PIEZO2: variants seen among roughly 807,000 people sequenced by gnomAD.
PIEZO2 encodes the protein piezo type mechanosensitive ion channel component 2, also known as piezo-type mechanosensitive ion channel component 2.
In PIEZO2, 172 loss-of-function variants were observed where a neutral mutation model predicts 337.3. The ratio of observed to expected loss-of-function variants is 0.51; its 90% CI spans 0.45 to 0.58. The LOEUF is 0.58. Among genes scored for constraint, PIEZO2 ranks in the 20% least tolerant of loss-of-function variants. PIEZO2 has a pLI of 0.00. For missense variants in PIEZO2, 3,028 were observed against 3,391.3 expected (o/e 0.89, Z 2.66); for synonymous variants, 1,251 against 1,228.5 (o/e 1.02, Z -0.38).
At chr18:10,905,024 TTTTGGTC>T (rs2043140273) in intron 4 of PIEZO2, among the ~76,000 whole-genome samples, 1 of 152,216 alleles carries the variant, frequency 6.6e-6, no homozygotes, top group Non-Finnish European at 1.5e-5. Context: ...TAAATTAATA[TTTTGGTC>T]TTAATCTTAA....
rs1016619479 is a variant in PIEZO2, at chr18:11,149,182, C to G, written c.-594G>C. On this transcript the variant is annotated 5_prime_UTR_variant, in exon 1 of 56. Coordinates refer to ENST00000674853, the MANE Select transcript of PIEZO2 (RefSeq NM_001378183.1). This position sits in a 1 kb window ranked among gnomAD's most constrained non-coding sequence, Gnocchi z 8.7. ...GCTCCGGGTCTCGCCCTCCAGCCCC[C>G]AGGCGGCCCGCGGCGGATCCCCGAG... is the stretch of plus-strand genomic sequence containing the variant. Among the ~76,000 whole-genome samples, 12 of 152,192 alleles carry G rather than the reference C, an allele frequency of 7.9e-5. 1 individual carries two copies. The highest frequency in any genetic ancestry group is 2.9e-4 in the African/African-American group (12 of 41,552).
intron 3 of PIEZO2, among the ~76,000 whole-genome samples, chr18:10,916,122 G>A (rs1047267415): frequency 5.3e-5 from 8 of 152,134 alleles, no homozygotes; most frequent in African/African-American, 1.9e-4. Context: ...TGATTGGTGC[G>A]TTTACAAACC....
intron 1 of PIEZO2, among the ~76,000 whole-genome samples, chr18:11,135,383 G>GA (rs1018904757): frequency 6.6e-6 from 1 of 152,132 alleles, no homozygotes; most frequent in Non-Finnish European, 1.5e-5. Context: ...CAGGGGTGCA[G>GA]AAAAAATTGA....
chr18:10,776,064 A>G (rs1451883554), intron 18 of PIEZO2, among the ~76,000 whole-genome samples: 2 of 152,256 alleles, frequency 1.3e-5, no homozygotes, highest in Non-Finnish European at 2.9e-5. Flanking sequence ...AAATGCATGA[A>G]TAAAGTATAC....
In PIEZO2 at chr18:10,705,501, C is replaced by G. The variant is rs1406501430; in HGVS notation, c.5834G>C (p.Ser1945Thr). 2.6e-6 allele frequency: 4 copies of G among 1,537,126 alleles called. No individual in the cohort carries two copies. Among genetic ancestry groups the G allele is most frequent in the Non-Finnish European group, 1.7e-6 (2 of 1,146,900 alleles). ...CAGATGCTCGAAGCTCACAGCCTTG[C>G]TGTAGGAGGGTGGGGCCTCCACATC... is the stretch of plus-strand genomic sequence containing the variant. Reference protein sequence around the residue: ...DGDVEAPPSYSKAVSFEHLSF... With the variant: ...DGDVEAPPSYTKAVSFEHLSF... The change falls in exon 41 of 56, where the codon AGC (serine) becomes ACC (threonine). Residue 1945 changes from serine (S) to threonine (T), a missense_variant. By Grantham distance (58) the Ser-to-Thr change is moderately conservative. Coordinates refer to ENST00000674853, the MANE Select transcript of PIEZO2 (RefSeq NM_001378183.1).
chr18:10,710,618 C>G (rs1439023532), intron 39 of PIEZO2, among the ~76,000 whole-genome samples: 4 of 152,230 alleles, frequency 2.6e-5, no homozygotes, highest in South Asian at 2.1e-4. Context: ...TAGGATCCCA[C>G]CCAGACTCTG....
chr18:10,919,229 T>C (rs1413897924), intron 3 of PIEZO2, among the ~76,000 whole-genome samples: 1 of 152,128 alleles, frequency 6.6e-6, no homozygotes, highest in African/African-American at 2.4e-5. Flanking sequence ...CTATTAGATG[T>C]TTGTCTTTAA....
chr18:10,977,954 T>A (rs2034509411), intron 3 of PIEZO2, among the ~76,000 whole-genome samples: 1 of 152,226 alleles, frequency 6.6e-6, no homozygotes, highest in South Asian at 2.1e-4. Flanking sequence ...GGCATGGAGT[T>A]TCCTTTGGGG....
chr18:10,702,240 A>C (rs1438051571), intron 42 of PIEZO2, 69 bp from the exon 43 acceptor site: 7 of 1,397,868 alleles, frequency 5.0e-6, no homozygotes, highest in Non-Finnish European at 6.7e-6. Context: ...TATATGGGAA[A>C]GAGCAATATA....
At chr18:11,015,305 A>T (rs2660265) in intron 2 of PIEZO2, among the ~76,000 whole-genome samples, 62,241 of 148,724 alleles carry the variant, frequency 0.42, 13,749 homozygotes, top group African/African-American at 0.58. Context: ...CACTTCACCC[A>T]GATCCGGGGC....
rs1289594802 is a variant in PIEZO2 at position 10,766,987 on chromosome 18, TCCCTC to T, written c.2946+3156_2946+3160del. On this transcript the variant is annotated intron_variant, in intron 21 of 55. Coordinates refer to ENST00000674853, the MANE Select transcript of PIEZO2 (RefSeq NM_001378183.1). This position sits in a 1 kb window ranked among gnomAD's most constrained non-coding sequence, Gnocchi z 6.1. ...TTCCTTCCTTCCTCCCACCTTCCATTCCCTCCCCTCCCCTCCCCTCCCCTTCCCTC... is the reference window on the plus strand; with the variant it reads ...TTCCTTCCTTCCTCCCACCTTCCATTCCCTCCCCTCCCCTCCCCTTCCCTC... 2.0e-4 allele frequency among the ~76,000 whole-genome samples: 29 copies of T among 146,460 alleles called. No individual in the cohort carries two copies. The highest frequency in any genetic ancestry group is 4.2e-4 in the Non-Finnish European group (28 of 66,802).
rs1302227174 is a variant in PIEZO2, at chr18:11,040,110, A to G, written c.160+26017T>C. On this transcript the variant is annotated intron_variant, in intron 2 of 55. Coordinates refer to ENST00000674853, the MANE Select transcript of PIEZO2 (RefSeq NM_001378183.1). ...GTTCTTGTTGGCTAAATACCATCTG[A>G]AAAAAAAAAAAGGCTTCATATCAGC... 1.0e-3 allele frequency among the ~76,000 whole-genome samples: 10 copies of G among 9,918 alleles called. No individual in the cohort carries two copies. In the East Asian group the frequency reaches 0.016, roughly 16 times the overall value. 6.5% of individuals were successfully genotyped at this position (9,918 alleles called of 152,430 possible). A position where few individuals can be genotyped will look rare whatever the true frequency, so the allele number is the denominator to read the frequency against.
intron 2 of PIEZO2, among the ~76,000 whole-genome samples, chr18:11,051,134 G>A (rs1453039281): frequency 6.6e-6 from 1 of 152,080 alleles, no homozygotes; most frequent in African/African-American, 2.4e-5. Context: ...ACAACCCAAT[G>A]GAAGAGACTT....
Position 10,705,655 on chromosome 18 carries a change from T to C in PIEZO2, c.5680A>G (p.Ser1894Gly). 1 of 1,536,856 alleles carries C rather than the reference T, an allele frequency of 6.5e-7. No individual in the cohort carries two copies. The highest frequency in any genetic ancestry group is 8.7e-7 in the Non-Finnish European group (1 of 1,146,876). The change falls in exon 41 of 56, where the codon AGC becomes GGC. Residue 1894 changes from serine (S) to glycine (G), a missense_variant. Ser to Gly is a moderately conservative substitution (Grantham distance 56). Around this residue, in one of 5 missense-constraint regions of PIEZO2, gnomAD observed 1,925 missense variants for 2,051.9 expected, o/e 0.94. Coordinates refer to ENST00000674853, the MANE Select transcript of PIEZO2 (RefSeq NM_001378183.1). Reference sequence around the variant, plus strand: ...GCCTCCCTGGGCTCAGGCGCCGTGCTCCCTGCCTCCTCCTCCTGCTCAGCC... The same window carrying C: ...GCCTCCCTGGGCTCAGGCGCCGTGCCCCCTGCCTCCTCCTCCTGCTCAGCC... ...VEAEQEEEAGSTAPEPREAKE... is the reference protein window; with the variant it reads ...VEAEQEEEAGGTAPEPREAKE...
intron 47 of PIEZO2, among the ~76,000 whole-genome samples, chr18:10,693,426 G>A (rs117298427): frequency 0.067 from 10,114 of 151,060 alleles, 607 homozygotes; most frequent in East Asian, 0.2. Context: ...CTGGAGTGCA[G>A]CAGCGCAATC....
chr18:10,921,986 G>C (rs2031446736), intron 3 of PIEZO2, among the ~76,000 whole-genome samples: 1 of 152,096 alleles, frequency 6.6e-6, no homozygotes, highest in Non-Finnish European at 1.5e-5. Flanking sequence ...CTCCTGATAA[G>C]ATGTTATCAA....
At chr18:10,792,389 A>T (rs983366090) in intron 13 of PIEZO2, among the ~76,000 whole-genome samples, 2 of 152,258 alleles carry the variant, frequency 1.3e-5, no homozygotes, top group African/African-American at 4.8e-5. Flanking sequence ...ATTTTGCAAC[A>T]TTTTCATCAA....
intron 2 of PIEZO2, among the ~76,000 whole-genome samples, chr18:11,040,920 T>G (rs563174345): frequency 8.5e-5 from 13 of 152,280 alleles, no homozygotes; most frequent in Admixed American, 8.5e-4. Flanking sequence ...TCTAGAAAAA[T>G]TAGGAATGAG....
rs997650118 is a variant in PIEZO2, at chr18:10,870,917, G to T, written c.492+336C>A. Among the ~76,000 whole-genome samples the T allele has an allele frequency of 6.6e-6, 1 of 151,902 alleles. No individual in the cohort carries two copies. The highest frequency in any genetic ancestry group is 2.4e-5 in the African/African-American group (1 of 41,344). On this transcript the variant is annotated intron_variant, in intron 5 of 55. Transcript: ENST00000674853. This position sits in a 1 kb window ranked among gnomAD's most constrained non-coding sequence, Gnocchi z 5.3. ...TCTTTAAATATTCTGCAATAACTAAGGTACCCAGACCAATTGAACCATAAC... is the reference window on the plus strand; with the variant it reads ...TCTTTAAATATTCTGCAATAACTAATGTACCCAGACCAATTGAACCATAAC...
Sources: allele counts gnomAD v4.1 joint callset (sites outside exome capture counted in the v4.1 genomes callset), GRCh38; gene constraint gnomAD v4.1.1; regional missense constraint gnomAD v4.1.1; non-coding constraint Gnocchi (gnomAD v3.1); transcripts MANE v1.5; gene names NCBI Gene and HGNC (gene_info 2026-07-23, HGNC 2026-07-21).